Variants in ATP2B4 observed in about 807,000 individuals in gnomAD.
ATP2B4 encodes ATPase plasma membrane Ca2+ transporting 4, also known as plasma membrane calcium-transporting ATPase 4.
ATP2B4 carries 39 observed loss-of-function variants against 110.3 expected under a neutral mutation model. The ratio of observed to expected loss-of-function variants is 0.35; its 90% confidence interval spans 0.27 to 0.46. The LOEUF is 0.46. Ranked by LOEUF, ATP2B4 falls within the 20% of genes least tolerant of loss-of-function variation. ATP2B4 has a pLI of 1.00. For missense variants in ATP2B4, 1,135 were observed against 1,530.9 expected, an observed-to-expected ratio of 0.74 and a Z score of 4.32; for synonymous variants, 538 against 571.7, an observed-to-expected ratio of 0.94 and a Z score of 0.84.
At chr1:203,733,835 C>G (rs949864104) in intron 20 of ATP2B4, among the ~76,000 whole-genome samples, 2 of 152,142 alleles carry the variant, frequency 1.3e-5, no homozygotes, top group Non-Finnish European at 1.5e-5. Context: ...AACCCAAGAG[C>G]TTTCTTTACA....
chr1:203,719,051 T>A (rs1474658155), intron 15 of ATP2B4, among the ~76,000 whole-genome samples: 4 of 150,642 alleles, frequency 2.7e-5, no homozygotes, highest in African/African-American at 9.8e-5. Flanking sequence ...ATAGTGAGAC[T>A]CCCATCTCTA....
chr1:203,708,326 C>A (rs544369684), intron 10 of ATP2B4, among the ~76,000 whole-genome samples: 1 of 152,196 alleles, frequency 6.6e-6, no homozygotes, highest in South Asian at 2.1e-4. Context: ...CCAGGAAATA[C>A]CCTCCCAATT....
At chr1:203,718,583 A>G (rs866544269) in intron 15 of ATP2B4, among the ~76,000 whole-genome samples, 4 of 152,054 alleles carry the variant, frequency 2.6e-5, no homozygotes, top group Non-Finnish European at 5.9e-5. Flanking sequence ...TACAGGCATG[A>G]GCCACCACAC....
chr1:203,699,924 G>T (rs1180422035), intron 4 of ATP2B4, among the ~76,000 whole-genome samples: 1 of 152,194 alleles, frequency 6.6e-6, no homozygotes, highest in Non-Finnish European at 1.5e-5. Flanking sequence ...TGTCAGACTT[G>T]TACCCTGTGT....
intron 6 of ATP2B4, among the ~76,000 whole-genome samples, chr1:203,701,754 C>T (rs1001030770): frequency 6.6e-6 from 1 of 152,164 alleles, no homozygotes; most frequent in Non-Finnish European, 1.5e-5. Flanking sequence ...CTAATCCCCA[C>T]CCCATTTTTC....
At chr1:203,707,772 G>T in intron 9 of ATP2B4, 90 bp from the exon 10 acceptor site, 3 of 1,524,136 alleles carry the variant, frequency 2.0e-6, no homozygotes, top group Non-Finnish European at 2.7e-6. Context: ...ATGAAATGTG[G>T]AGAGATGTTG....
At chr1:203,666,204 G>A (rs546436865) in intron 1 of ATP2B4, among the ~76,000 whole-genome samples, 33 of 152,326 alleles carry the variant, frequency 2.2e-4, no homozygotes, top group African/African-American at 7.2e-4. Flanking sequence ...CATCCAAGGG[G>A]ATTCTCATAA....
chr1:203,643,334 G>A (rs1213674005), intron 1 of ATP2B4, among the ~76,000 whole-genome samples: 1 of 152,206 alleles, frequency 6.6e-6, no homozygotes, highest in African/African-American at 2.4e-5. Flanking sequence ...GATGGAGGGA[G>A]TCAGACTGGG....
intron 1 of ATP2B4, among the ~76,000 whole-genome samples, chr1:203,672,322 C>CT (rs1558026410): frequency 3.9e-5 from 3 of 76,888 alleles, no homozygotes; most frequent in African/African-American, 1.5e-4. Context: ...GTTGCGGTGG[C>CT]TCTTTTTTTT....
At position 203,741,671 on chromosome 1, in the gene ATP2B4, G is replaced by A. The variant is rs1228147172; in HGVS notation, c.*1817G>A. The A allele has an allele frequency of 6.6e-6, 1 of 152,388 alleles. No individual in the cohort carries two copies. Among genetic ancestry groups the A allele is most frequent in the Non-Finnish European group, 1.5e-5 (1 of 68,032 alleles). The allele number at this position is 152,388 out of a possible 1,614,324, so 9.4% of individuals were successfully genotyped here. A position where few individuals can be genotyped will look rare whatever the true frequency, so the allele number is the denominator to read the frequency against. On this transcript the variant is annotated 3_prime_UTR_variant, in exon 21 of 21. Transcript: ENST00000357681. ...ACCCCTTTCACCTGAGCTGTCCACA[G>A]TAGGAAACATAAAGAAACAATGTCC...
Position 203,741,726 on chromosome 1 carries a change from T to A in ATP2B4, c.*1872T>A, listed in dbSNP as rs1430094171. The A allele has an allele frequency of 6.6e-6, 1 of 152,574 alleles. No homozygotes were observed. Among genetic ancestry groups the A allele is most frequent in the Non-Finnish European group, 1.5e-5 (1 of 68,028 alleles). The allele number at this position is 152,574 out of a possible 1,614,324, so 9.5% of individuals were successfully genotyped here. A position where few individuals can be genotyped will look rare whatever the true frequency, so the allele number is the denominator to read the frequency against. On this transcript the variant is annotated 3_prime_UTR_variant, in exon 21 of 21. Transcript: ENST00000357681. ...CATATCCCCATGACTACATAATCCA[T>A]CATCGTAGGAAATAGGAAAGCAAAT...
At chr1:203,722,767 AC>A in intron 18 of ATP2B4, 78 bp downstream of exon 18, 1 of 1,364,118 alleles carries the variant, frequency 7.3e-7, no homozygotes, top group Middle Eastern at 1.9e-4. Context: ...TTCCCTACAT[AC>A]CTAGGAAAAG....
Position 203,692,890 on chromosome 1 carries a change from G to A in ATP2B4, c.194-5267G>A, listed in dbSNP as rs77723082. ...GGGCCGTGCACCTCCCCAGCATGGGGTGGGGGTGATGACTTCACAGCTAAA... is the reference window on the plus strand; with the variant it reads ...GGGCCGTGCACCTCCCCAGCATGGGATGGGGGTGATGACTTCACAGCTAAA... On this transcript the variant is annotated intron_variant, in intron 2 of 20. Coordinates refer to ENST00000357681, the MANE Select transcript of ATP2B4 (RefSeq NM_001684.5). Among the ~76,000 whole-genome samples, 276 of 152,312 alleles carry A rather than the reference G, an allele frequency of 1.8e-3. 4 individuals carry two copies. In the East Asian group the frequency reaches 0.029, roughly 16 times the overall value.
At position 203,722,685 on chromosome 1, in the gene ATP2B4, G is replaced by T; in HGVS notation, c.3020G>T (p.Cys1007Phe). The change falls in exon 18 of 21, where the codon TGC becomes TTC. Residue 1007 changes from cysteine to phenylalanine, a missense_variant. By Grantham distance (205) the Cys-to-Phe change is radical. Transcript: ENST00000357681. ...TCTGTAGTCTTGGGCACATTCATCT[G>T]CCAGGTGAGATTCTATCTGCAGTTG... Reference protein sequence around the residue: ...FCSVVLGTFICQIFIVEFGGK... With the variant: ...FCSVVLGTFIFQIFIVEFGGK... 6.2e-7 allele frequency: 1 copy of T among 1,614,038 alleles called. No individual in the cohort carries two copies. Among genetic ancestry groups the T allele is most frequent in the Non-Finnish European group, 8.5e-7 (1 of 1,179,920 alleles).
At position 203,741,016 on chromosome 1, in the gene ATP2B4, G is replaced by A. The variant is rs1032193273; in HGVS notation, c.*1162G>A. 7 of 152,198 alleles carry A rather than the reference G, an allele frequency of 4.6e-5. No homozygotes were observed. Among genetic ancestry groups the A allele is most frequent in the Admixed American group, 3.9e-4 (6 of 15,266 alleles). 9.4% of individuals were successfully genotyped at this position (152,198 alleles called of 1,614,324 possible). On this transcript the variant is annotated 3_prime_UTR_variant, in exon 21 of 21. Transcript: ENST00000357681. ...CCAAAGAGCCATTCTAGCATGATCT[G>A]AGAAAACCTTCCTGCAGAGGCCAGA...
intron 17 of ATP2B4, 122 bp from the exon 18 acceptor site, chr1:203,722,356 G>A: frequency 1.3e-6 from 1 of 777,332 alleles, no homozygotes; most frequent in Non-Finnish European, 2.1e-6. Context: ...AACTAGTGCA[G>A]CTCAGATATT....
chr1:203,653,012 T>C (rs1051081333), intron 1 of ATP2B4, among the ~76,000 whole-genome samples: 6 of 152,218 alleles, frequency 3.9e-5, no homozygotes, highest in African/African-American at 1.2e-4. Context: ...AAAGCTGAGA[T>C]AGGCCCAAAG....
intron 19 of ATP2B4, 27 bp from the exon 20 acceptor site, chr1:203,727,368 C>G: frequency 6.2e-7 from 1 of 1,612,256 alleles, no homozygotes; most frequent in Non-Finnish European, 8.5e-7. Flanking sequence ...ATTCTGACGT[C>G]TTCCTCTTCG....
At chr1:203,648,473 T>C (rs935146050) in intron 1 of ATP2B4, among the ~76,000 whole-genome samples, 7 of 152,152 alleles carry the variant, frequency 4.6e-5, no homozygotes, top group African/African-American at 1.7e-4. Context: ...TGACACCCCT[T>C]GGCAGTTAGG....
Sources: allele counts gnomAD v4.1 joint callset (sites outside exome capture counted in the v4.1 genomes callset), GRCh38; gene constraint gnomAD v4.1.1; transcripts MANE v1.5; gene names NCBI Gene and HGNC (gene_info 2026-07-23, HGNC 2026-07-21).